Variants in ZNRF3 observed in about 807,000 individuals in gnomAD.
ZNRF3 encodes zinc and ring finger 3, also known as E3 ubiquitin-protein ligase ZNRF3.
ZNRF3 carries 23 observed loss-of-function variants against 72.5 expected under a neutral mutation model. The ratio of observed to expected loss-of-function variants is 0.32; its 90% confidence interval spans 0.23 to 0.45. ZNRF3 has a LOEUF of 0.45. Ranked by LOEUF, ZNRF3 falls within the 20% of genes least tolerant of loss-of-function variation. The pLI is 1.00. For missense variants in ZNRF3, 1,169 were observed against 1,272.1 expected (o/e 0.92, Z 1.23); for synonymous variants, 610 against 545.3 (o/e 1.12, Z -1.65).
Position 28,951,239 on chromosome 22 carries a change from A to G in ZNRF3, c.301-35837A>G, listed in dbSNP as rs147842329. ...TCTGGGTTGAATTGTGTCCCCCCAA[A>G]TTTATATGTTGAAACCCTAACTCCC... On this transcript the variant is annotated intron_variant, in intron 1 of 8. Transcript: ENST00000544604. 6.5e-3 allele frequency among the ~76,000 whole-genome samples: 994 copies of G among 152,208 alleles called. 12 individuals are homozygous for G. Among genetic ancestry groups the G allele is most frequent in the African/African-American group, 0.022 (926 of 41,536 alleles).
intron 1 of ZNRF3, among the ~76,000 whole-genome samples, chr22:28,939,672 C>T (rs1465690380): frequency 2.0e-5 from 3 of 152,066 alleles, no homozygotes; most frequent in South Asian, 2.1e-4. Context: ...TACTGTTTCT[C>T]GGAGGGCAGA....
rs5752829 is a variant in ZNRF3 at position 28,890,017 on chromosome 22, A to G, written c.300+5951A>G. Among the ~76,000 whole-genome samples, 41 of 152,356 alleles carry G rather than the reference A, an allele frequency of 2.7e-4. No individual in the cohort carries two copies. The East Asian group carries it at 7.9e-3, about 29-fold the overall frequency. ...AATGAATAAATGATGGAGAGTGGAC[A>G]TCAGGCAGGCAGTGGGTTTTATGGA... On this transcript the variant is annotated intron_variant, in intron 1 of 8. Coordinates refer to ENST00000544604, the MANE Select transcript of ZNRF3 (RefSeq NM_001206998.2).
At chr22:28,997,988 T>TAAA (rs557887667) in intron 2 of ZNRF3, among the ~76,000 whole-genome samples, 2 of 115,334 alleles carry the variant, frequency 1.7e-5, no homozygotes, top group African/African-American at 6.8e-5. Flanking sequence ...CCTGGCTCTT[T>TAAA]AAAAAAAAAA....
At chr22:28,901,684 A>G (rs149249705) in intron 1 of ZNRF3, among the ~76,000 whole-genome samples, 3 of 139,516 alleles carry the variant, frequency 2.2e-5, no homozygotes, top group Non-Finnish European at 4.5e-5. Flanking sequence ...TCTCACTCAG[A>G]CTAGAGTGTG....
Position 29,049,200 on chromosome 22 carries a change from A to G in ZNRF3, c.1019A>G (p.Gln340Arg), listed in dbSNP as rs1293538421. The change falls in exon 8 of 9, where the codon CAA (glutamine) becomes CGA (arginine). Residue 340 changes from glutamine (Q) to arginine (R), a missense_variant. Physicochemically the swap from Gln to Arg is conservative, Grantham distance 43. Around this residue, in one of 2 missense-constraint regions of ZNRF3, gnomAD observed 386 missense variants for 540.7 expected, o/e 0.71. Coordinates refer to ENST00000544604, the MANE Select transcript of ZNRF3 (RefSeq NM_001206998.2). The surrounding 1 kb of genome is among the most constrained non-coding windows in gnomAD (Gnocchi z 5.2). ...CPHCRHNIIE[Q>R]KGNPSAVCVE... ...TGTTTCCTCCACTTGTCTCCAGAAC[A>G]AAAGGGAAACCCAAGCGCGGTGTGT... The G allele has an allele frequency of 5.0e-6, 8 of 1,590,780 alleles. No homozygotes were observed. Among genetic ancestry groups the G allele is most frequent in the Non-Finnish European group, 6.9e-6 (8 of 1,166,784 alleles).
chr22:28,993,874 A>T (rs2035999288), intron 2 of ZNRF3, among the ~76,000 whole-genome samples: 1 of 152,008 alleles, frequency 6.6e-6, no homozygotes, highest in South Asian at 2.1e-4. Context: ...GTAGAGACAG[A>T]GTCTCAATAT....
chr22:28,960,607 A>G (rs763228186), intron 1 of ZNRF3, among the ~76,000 whole-genome samples: 1 of 152,244 alleles, frequency 6.6e-6, no homozygotes, highest in Non-Finnish European at 1.5e-5. Context: ...GATAGGGGCT[A>G]TATTTTTAAA....
intron 8 of ZNRF3, among the ~76,000 whole-genome samples, chr22:29,052,854 G>A (rs1007063626): frequency 4.0e-5 from 6 of 151,858 alleles, no homozygotes; most frequent in African/African-American, 1.5e-4. Flanking sequence ...AGCTGGGCAC[G>A]GTGACACATG....
intron 1 of ZNRF3, among the ~76,000 whole-genome samples, chr22:28,933,450 C>T (rs1000198809): frequency 2.0e-5 from 3 of 152,092 alleles, no homozygotes; most frequent in Admixed American, 1.3e-4. Context: ...CTCATGATAA[C>T]GATTAAGGAG....
intron 2 of ZNRF3, among the ~76,000 whole-genome samples, chr22:29,024,210 C>T (rs1201555728): frequency 6.6e-6 from 1 of 151,718 alleles, no homozygotes; most frequent in Non-Finnish European, 1.5e-5. Flanking sequence ...GGAAGCGATC[C>T]GGCCCAACTC....
intron 1 of ZNRF3, among the ~76,000 whole-genome samples, chr22:28,893,346 G>A (rs1178326235): frequency 6.6e-6 from 1 of 152,094 alleles, no homozygotes; most frequent in Admixed American, 6.5e-5. Context: ...ATACCGTATA[G>A]AGAAGAAACA....
intron 1 of ZNRF3, among the ~76,000 whole-genome samples, chr22:28,940,513 T>TC (rs132559): frequency 2.0e-5 from 3 of 151,266 alleles, no homozygotes; most frequent in Non-Finnish European, 4.4e-5. Context: ...TTTTTTTTTT[T>TC]CTTAAATAGG....
intron 2 of ZNRF3, among the ~76,000 whole-genome samples, chr22:29,036,717 A>G (rs2036873468): frequency 6.6e-6 from 1 of 152,250 alleles, no homozygotes; most frequent in Admixed American, 6.5e-5. Flanking sequence ...TCCTCTGGAA[A>G]CTAGAAATGA....
intron 1 of ZNRF3, among the ~76,000 whole-genome samples, chr22:28,959,228 A>C (rs942268519): frequency 4.6e-5 from 7 of 152,244 alleles, no homozygotes; most frequent in African/African-American, 1.7e-4. Context: ...CTTTGTGGGA[A>C]GTGTCCCCTT....
intron 8 of ZNRF3, 57 bp downstream of exon 8, chr22:29,051,005 T>C: frequency 6.7e-7 from 1 of 1,485,046 alleles, no homozygotes; most frequent in Non-Finnish European, 8.9e-7. Flanking sequence ...GGTCGTCTTG[T>C]CTTCTGTCTT....
chr22:28,918,699 A>G (rs1371489364), intron 1 of ZNRF3, among the ~76,000 whole-genome samples: 2 of 152,130 alleles, frequency 1.3e-5, no homozygotes, highest in Non-Finnish European at 2.9e-5. Context: ...GGTCTGAGTC[A>G]GGGTGGTATC....
chr22:29,043,570 G>A (rs2037008813), intron 4 of ZNRF3, 140 bp downstream of exon 4: 7 of 1,036,030 alleles, frequency 6.8e-6, no homozygotes, highest in Non-Finnish European at 9.6e-6. Flanking sequence ...ATCAGCTATT[G>A]GACTCAAGGC....
chr22:29,035,759 T>G (rs2036855185), intron 2 of ZNRF3, among the ~76,000 whole-genome samples: 2 of 152,038 alleles, frequency 1.3e-5, no homozygotes, highest in African/African-American at 4.8e-5. Flanking sequence ...TTTTTTATTT[T>G]ATTAGAGGTG....
chr22:28,979,958 A>G (rs2035737103), intron 1 of ZNRF3, among the ~76,000 whole-genome samples: 1 of 152,276 alleles, frequency 6.6e-6, no homozygotes, highest in African/African-American at 2.4e-5. Context: ...TGAAGGGCAA[A>G]GCATTCAAGG....
Sources: allele counts gnomAD v4.1 joint callset (sites outside exome capture counted in the v4.1 genomes callset), GRCh38; gene constraint gnomAD v4.1.1; regional missense constraint gnomAD v4.1.1; non-coding constraint Gnocchi (gnomAD v3.1); transcripts MANE v1.5; gene names NCBI Gene and HGNC (gene_info 2026-07-23, HGNC 2026-07-21).